The following FARP1 variants were observed in gnomAD, a reference collection of about 807,000 sequenced individuals.
FARP1 encodes FERM, ARHGEF and pleckstrin domain-containing protein 1.
A neutral mutation model predicts 128.8 loss-of-function variants in FARP1; 52 were observed. The observed-to-expected ratio is 0.40, with a 90% CI of 0.32 to 0.51. The LOEUF (loss-of-function observed/expected upper bound fraction) is 0.51. Among genes scored for constraint, FARP1 ranks in the 20% least tolerant of loss-of-function variants. The pLI is 0.45. For missense variants in FARP1, 1,333 were observed against 1,367.9 expected (o/e 0.97, Z 0.40); for synonymous variants, 580 against 551.8 (o/e 1.05, Z -0.72).
intron 3 of FARP1, among the ~76,000 whole-genome samples, chr13:98,363,200 AC>A: frequency 6.6e-6 from 1 of 152,244 alleles, no homozygotes; most frequent in East Asian, 1.9e-4. Flanking sequence ...TTCCTGACCC[AC>A]CAGCCCTGCT....
In FARP1 at chr13:98,176,064, G is replaced by T; in HGVS notation, c.-24+32572G>T. 1 of 1,055,240 alleles carries T rather than the reference G, an allele frequency of 9.5e-7. No individual in the cohort carries two copies. The highest frequency in any genetic ancestry group is 1.4e-6 in the Non-Finnish European group (1 of 691,428). 65.4% of individuals were successfully genotyped at this position (1,055,240 alleles called of 1,614,324 possible). On this transcript the variant is annotated intron_variant, in intron 1 of 26. Transcript: ENST00000319562. This position sits in a 1 kb window ranked among gnomAD's most constrained non-coding sequence, Gnocchi z 6.2. Reference sequence around the variant, plus strand: ...TGAGATCCGGATTTCAATTCTTTTGGTTACATACTCAGGCATGGGATTGCA... The same window carrying T: ...TGAGATCCGGATTTCAATTCTTTTGTTTACATACTCAGGCATGGGATTGCA...
intron 1 of FARP1, among the ~76,000 whole-genome samples, chr13:98,154,523 G>A (rs1029290385): frequency 1.1e-4 from 16 of 152,176 alleles, no homozygotes; most frequent in Non-Finnish European, 1.5e-4. Context: ...GAGTGGATTG[G>A]AAAGAGCAAT....
chr13:98,314,869 T>C (rs1287233635), intron 2 of FARP1, among the ~76,000 whole-genome samples: 1 of 152,176 alleles, frequency 6.6e-6, no homozygotes, highest in African/African-American at 2.4e-5. Flanking sequence ...CCTTATTGTA[T>C]GTATGTATTG....
At chr13:98,350,167 C>T (rs1408637996) in intron 3 of FARP1, among the ~76,000 whole-genome samples, 1 of 152,094 alleles carries the variant, frequency 6.6e-6, no homozygotes, top group East Asian at 1.9e-4. Context: ...TGTTGACAGG[C>T]AGGTCCCCAG....
At chr13:98,318,987 G>A (rs1431655188) in intron 2 of FARP1, among the ~76,000 whole-genome samples, 1 of 129,906 alleles carries the variant, frequency 7.7e-6, no homozygotes, top group Non-Finnish European at 1.6e-5. Context: ...TGTTTTGACA[G>A]GATCTCATTC....
At chr13:98,382,621 AC>A (rs1331880048) in intron 6 of FARP1, 2 of 151,976 alleles carry the variant, frequency 1.3e-5, no homozygotes, top group African/African-American at 4.8e-5. Flanking sequence ...TTTACTTGTA[AC>A]CCCCAAATCA....
At chr13:98,151,658 A>ATATTTTTTTTTTTT (rs1197060435) in intron 1 of FARP1, among the ~76,000 whole-genome samples, 1 of 24,188 alleles carries the variant, frequency 4.1e-5, no homozygotes, top group East Asian at 3.7e-3. Context: ...TATATCTTCC[A>ATATTTTTTTTTTTT]TCTTTTTTTT....
chr13:98,163,731 G>A (rs1459013587), intron 1 of FARP1, among the ~76,000 whole-genome samples: 2 of 143,812 alleles, frequency 1.4e-5, no homozygotes, highest in African/African-American at 5.1e-5. Flanking sequence ...TTTTTGAGAC[G>A]GAGTTTCGCT....
intron 5 of FARP1, among the ~76,000 whole-genome samples, chr13:98,371,912 C>G (rs1310634970): frequency 6.6e-6 from 1 of 152,096 alleles, no homozygotes; most frequent in Non-Finnish European, 1.5e-5. Context: ...TTAAATTGCA[C>G]TCTTTTGTTA....
intron 2 of FARP1, among the ~76,000 whole-genome samples, chr13:98,269,837 T>G (rs1466025762): frequency 6.6e-6 from 1 of 152,222 alleles, no homozygotes; most frequent in Non-Finnish European, 1.5e-5. Flanking sequence ...TACCATGGGC[T>G]GGGCCCAGTG....
At chr13:98,439,920 A>T in intron 21 of FARP1, 41 bp from the exon 22 acceptor site, 1 of 1,389,940 alleles carries the variant, frequency 7.2e-7, no homozygotes, top group Non-Finnish European at 9.9e-7. Flanking sequence ...TTGGAAGTGC[A>T]TCACGTGCCT....
chr13:98,295,901 A>G (rs1452738706), intron 2 of FARP1, among the ~76,000 whole-genome samples: 2 of 152,196 alleles, frequency 1.3e-5, no homozygotes, highest in Non-Finnish European at 2.9e-5. Flanking sequence ...AAATTAAGAA[A>G]TTAAAGAGCC....
At chr13:98,369,630 C>T (rs1027344589) in intron 5 of FARP1, among the ~76,000 whole-genome samples, 1 of 151,906 alleles carries the variant, frequency 6.6e-6, no homozygotes, top group Non-Finnish European at 1.5e-5. Flanking sequence ...GTTTTTTGTC[C>T]TTGCGATAGT....
At chr13:98,438,132 C>A (rs1892360964) in intron 19 of FARP1, among the ~76,000 whole-genome samples, 1 of 152,086 alleles carries the variant, frequency 6.6e-6, no homozygotes, top group African/African-American at 2.4e-5. Flanking sequence ...AGTGCTTGTG[C>A]CCCTGCGATC....
At chr13:98,273,876 C>G (rs1475397150) in intron 2 of FARP1, among the ~76,000 whole-genome samples, 9 of 152,174 alleles carry the variant, frequency 5.9e-5, no homozygotes. Context: ...TGCCTCATAA[C>G]AAAGCTCATC....
At chr13:98,408,830 C>T (rs554070239) in intron 13 of FARP1, among the ~76,000 whole-genome samples, 2 of 152,304 alleles carry the variant, frequency 1.3e-5, no homozygotes, top group African/African-American at 4.8e-5. Context: ...AACAAGCTTG[C>T]TTCTGTTCTT....
intron 1 of FARP1, among the ~76,000 whole-genome samples, chr13:98,211,351 C>T (rs1423790384): frequency 1.3e-5 from 2 of 152,186 alleles, no homozygotes; most frequent in Non-Finnish European, 2.9e-5. Flanking sequence ...GGGAACTGCG[C>T]ATGCGAGGGA....
chr13:98,324,682 G>A (rs1887156244), intron 2 of FARP1, among the ~76,000 whole-genome samples: 1 of 152,178 alleles, frequency 6.6e-6, no homozygotes, highest in African/African-American at 2.4e-5. Context: ...GTGTGTTTCT[G>A]AGCGTCCTTG....
At chr13:98,170,810 G>A (rs1484407397) in intron 1 of FARP1, among the ~76,000 whole-genome samples, 1 of 150,434 alleles carries the variant, frequency 6.6e-6, no homozygotes, top group Non-Finnish European at 1.5e-5. Context: ...GTTTTTAGAA[G>A]GTTTTTTTCC....
Sources: allele counts gnomAD v4.1 joint callset (sites outside exome capture counted in the v4.1 genomes callset), GRCh38; gene constraint gnomAD v4.1.1; non-coding constraint Gnocchi (gnomAD v3.1); transcripts MANE v1.5; gene names NCBI Gene and HGNC (gene_info 2026-07-23, HGNC 2026-07-21).